The following MYCBP2 variants were observed in gnomAD, a reference collection of about 807,000 sequenced individuals.
MYCBP2 encodes MYC binding protein 2, also known as E3 ubiquitin-protein ligase MYCBP2.
Under a neutral mutation model 525.3 loss-of-function variants are expected in MYCBP2, and 120 were observed. The observed-to-expected ratio is 0.23, with a 90% CI of 0.20 to 0.27. The LOEUF (loss-of-function observed/expected upper bound fraction) is 0.27. Among genes scored for constraint, MYCBP2 ranks in the 10% least tolerant of loss-of-function variants. The pLI, the probability that MYCBP2 is intolerant of heterozygous loss-of-function variation, is 1.00. For synonymous variants in MYCBP2, 1,894 were observed against 1,955.8 expected (o/e 0.97, Z 0.83); for missense variants, 4,149 against 5,657.1 (o/e 0.73, Z 8.55).
chr13:77,168,492 G>A lies in MYCBP2; in HGVS notation c.6050C>T (p.Ser2017Phe). The A allele has an allele frequency of 6.2e-7, 1 of 1,614,086 alleles. No individual in the cohort carries two copies. Among genetic ancestry groups the A allele is most frequent in the African/African-American group, 1.3e-5 (1 of 75,010 alleles). ...ACTCTCTATGACAGCATAGTGACTG[G>A]AGGTTGTACAAGCAGAGAGGCCCTG... ...PEQGLSACTTSSHYAVIESEH... is the reference protein window; with the variant it reads ...PEQGLSACTTFSHYAVIESEH... The change falls in exon 40 of 83, where the codon TCC becomes TTC. Residue 2017 changes from serine (S) to phenylalanine (F), a missense_variant. Transcript: ENST00000544440.
At chr13:77,294,104 C>CGATATATATA (rs1297038387) in intron 2 of MYCBP2, among the ~76,000 whole-genome samples, 3 of 41,920 alleles carry the variant, frequency 7.2e-5, no homozygotes, top group African/African-American at 2.1e-4. Flanking sequence ...GATATAATGG[C>CGATATATATA]TATATATATA....
At chr13:77,306,538 A>C (rs1448270181) in intron 1 of MYCBP2, among the ~76,000 whole-genome samples, 1 of 152,172 alleles carries the variant, frequency 6.6e-6, no homozygotes, top group Admixed American at 6.5e-5. Context: ...CAGCAGAAGG[A>C]AAAAGAAAAG....
At chr13:77,141,795 A>C (rs956191328) in intron 49 of MYCBP2, among the ~76,000 whole-genome samples, 3 of 151,598 alleles carry the variant, frequency 2.0e-5, no homozygotes, top group Admixed American at 6.6e-5. Context: ...AAAAGTATAC[A>C]TAGAGAAAAT....
intron 59 of MYCBP2, 74 bp from the exon 60 acceptor site, chr13:77,090,337 A>C: frequency 8.2e-7 from 1 of 1,221,756 alleles, no homozygotes; most frequent in African/African-American, 1.5e-5. Flanking sequence ...ATAATGATGC[A>C]AAATATGTGA....
At chr13:77,180,059 GA>G (rs1322935149) in intron 34 of MYCBP2, 67 bp downstream of exon 34, 1 of 1,325,824 alleles carries the variant, frequency 7.5e-7, no homozygotes, top group Non-Finnish European at 1.0e-6. Context: ...CAAAATAGTT[GA>G]AAAAAGAAAC....
rs541681584 is a variant in MYCBP2, at chr13:77,083,022, C to A, written c.11036+10G>T. 25 of 1,608,878 alleles carry A rather than the reference C, an allele frequency of 1.6e-5. No homozygotes were observed. In the South Asian group the frequency reaches 2.8e-4, roughly 18 times the overall value. ...CCAATGTACCTAGGATATGTGGATA[C>A]CAAAATTACCTCAGGGCCATTTGCT... On this transcript the variant is annotated intron_variant, in intron 63 of 82. Coordinates refer to ENST00000544440, the MANE Select transcript of MYCBP2 (RefSeq NM_015057.5).
chr13:77,158,199 C>A (rs552058158), intron 44 of MYCBP2, 90 bp from the exon 45 acceptor site: 51 of 693,266 alleles, frequency 7.4e-5, no homozygotes, highest in Non-Finnish European at 1.0e-4. Flanking sequence ...TTCAGATAGG[C>A]CTTTACGGAG....
intron 8 of MYCBP2, among the ~76,000 whole-genome samples, chr13:77,265,277 T>C (rs2073917440): frequency 2.0e-5 from 3 of 152,172 alleles, no homozygotes; most frequent in Non-Finnish European, 4.4e-5. Flanking sequence ...GCAAGAAAGA[T>C]GCTTCTCAAG....
intron 1 of MYCBP2, 90 bp from the exon 2 acceptor site, chr13:77,296,764 A>T: frequency 9.7e-7 from 1 of 1,028,636 alleles, no homozygotes; most frequent in Non-Finnish European, 1.3e-6. Context: ...CAAAGTAGAC[A>T]TTTGGATCTT....
intron 1 of MYCBP2, among the ~76,000 whole-genome samples, chr13:77,306,973 A>C (rs1363948252): frequency 6.6e-6 from 1 of 152,204 alleles, no homozygotes. Context: ...AACCAAGCAC[A>C]TTTGAAAAAA....
rs952524121 is a variant in MYCBP2, at chr13:77,269,985, T to C, written c.1260+7A>G. 2 of 1,606,162 alleles carry C rather than the reference T, an allele frequency of 1.2e-6. No homozygotes were observed. Among genetic ancestry groups the C allele is most frequent in the African/African-American group, 2.7e-5 (2 of 74,350 alleles). ...AAAATTTTGGTTTATTGTGGATAGT[T>C]TCTTACCTGAGCATACCCTAACCAA... On this transcript the variant is annotated splice_region_variant and intron_variant, in intron 7 of 82. Transcript: ENST00000544440.
intron 49 of MYCBP2, among the ~76,000 whole-genome samples, chr13:77,143,410 T>C: frequency 6.6e-6 from 1 of 152,202 alleles, no homozygotes; most frequent in Non-Finnish European, 1.5e-5. Context: ...CTTCCTCTAC[T>C]GTCCCTTGAC....
intron 14 of MYCBP2, among the ~76,000 whole-genome samples, chr13:77,251,758 G>A (rs2071250819): frequency 6.6e-6 from 1 of 152,102 alleles, no homozygotes; most frequent in Non-Finnish European, 1.5e-5. Context: ...CAAAGCACAT[G>A]ACAACTTCAT....
chr13:77,263,974 T>C lies in MYCBP2; in HGVS notation c.1386A>G (p.Leu462=), dbSNP rs1594457479. The change falls in exon 9 of 83, where the codon TTA becomes TTG. Residue 462 remains leucine, a synonymous_variant. Transcript: ENST00000544440. ...PDCHTEGQNI[L]FTDGEYINQI... The stretch of plus-strand genomic sequence containing the variant: ...GATTAATATATTCTCCATCAGTGAA[T>C]AAAATATTTTGACCTTCAGTGTGGC... 2 of 1,612,670 alleles carry C rather than the reference T, an allele frequency of 1.2e-6. No homozygotes were observed.
intron 1 of MYCBP2, among the ~76,000 whole-genome samples, chr13:77,298,533 G>A (rs554790174): frequency 9.2e-5 from 14 of 152,322 alleles, no homozygotes; most frequent in African/African-American, 3.1e-4. Flanking sequence ...AGTATTTTAA[G>A]AGAAAGAGAA....
intron 4 of MYCBP2, among the ~76,000 whole-genome samples, chr13:77,275,748 C>T (rs1284446493): frequency 1.3e-5 from 2 of 152,160 alleles, no homozygotes; most frequent in African/African-American, 2.4e-5. Flanking sequence ...TTTTGGGAGG[C>T]TGAGGTGGGC....
chr13:77,157,898 A>G (rs779384473), intron 45 of MYCBP2, 39 bp downstream of exon 45: 1 of 1,510,926 alleles, frequency 6.6e-7, no homozygotes, highest in Non-Finnish European at 9.0e-7. Context: ...AGAAAGATGA[A>G]AGCCCTAAAA....
intron 55 of MYCBP2, among the ~76,000 whole-genome samples, chr13:77,101,723 T>C (rs1218204400): frequency 2.0e-5 from 3 of 152,052 alleles, no homozygotes; most frequent in Admixed American, 1.3e-4. Context: ...CTAAATCTTT[T>C]TGAAAAATTT....
Position 77,058,268 on chromosome 13 carries a change from T to C in MYCBP2, c.13279A>G (p.Met4427Val), listed in dbSNP as rs1248212872. Residue 4427 changes from methionine to valine, a missense_variant, in exon 78 of 83, where the codon ATG becomes GTG. By Grantham distance (21) the Met-to-Val change is conservative (BLOSUM62 1). Coordinates refer to ENST00000544440, the MANE Select transcript of MYCBP2 (RefSeq NM_015057.5). The surrounding 1 kb of genome is among the most constrained non-coding windows in gnomAD (Gnocchi z 4.1). Reference protein sequence around the residue: ...ATSLKQDADDMCMICFTEALS... With the variant: ...ATSLKQDADDVCMICFTEALS... ...GCTTCGGTGAAACATATCATGCACA[T>C]GTCATCGGCGTCTTGCTTCAGGCTT... is the stretch of plus-strand genomic sequence containing the variant. 2.5e-6 allele frequency: 4 copies of C among 1,614,192 alleles called. No homozygotes were observed. Among genetic ancestry groups the C allele is most frequent in the African/African-American group, 1.3e-5 (1 of 75,046 alleles).
Sources: allele counts gnomAD v4.1 joint callset (sites outside exome capture counted in the v4.1 genomes callset), GRCh38; gene constraint gnomAD v4.1.1; non-coding constraint Gnocchi (gnomAD v3.1); transcripts MANE v1.5; gene names NCBI Gene and HGNC (gene_info 2026-07-23, HGNC 2026-07-21).